The following GAS6 variants were observed in gnomAD, a reference collection of about 807,000 sequenced individuals.
GAS6 encodes growth arrest specific 6, also known as growth arrest-specific protein 6.
Under a neutral mutation model 75.8 loss-of-function variants are expected in GAS6, and 41 were observed. That is an observed-to-expected ratio of 0.54 (90% CI 0.42 to 0.70). The LOEUF is 0.70. GAS6 is among the 30% of genes least tolerant of loss of function. The pLI is 0.00. For missense variants in GAS6, 854 were observed against 940.2 expected, an observed-to-expected ratio of 0.91 and a Z score of 1.20; for synonymous variants, 432 against 412.6, an observed-to-expected ratio of 1.05 and a Z score of -0.57.
intron 8 of GAS6, 62 bp downstream of exon 8, chr13:113,834,489 C>CT: frequency 7.1e-7 from 1 of 1,417,928 alleles, no homozygotes; most frequent in Non-Finnish European, 9.3e-7. Context: ...CTCCCGAAAG[C>CT]CCCCACCGGC....
intron 10 of GAS6, 45 bp downstream of exon 10, chr13:113,832,254 G>T: frequency 6.3e-7 from 1 of 1,576,348 alleles, no homozygotes; most frequent in East Asian, 2.3e-5. Context: ...TCTGGCTCAG[G>T]GAGAACCCCG....
chr13:113,834,141 G>A (rs1268926399), intron 8 of GAS6, among the ~76,000 whole-genome samples: 13 of 139,236 alleles, frequency 9.3e-5, no homozygotes, highest in Middle Eastern at 4.6e-3. Context: ...GGTGTGACAG[G>A]CACCAGTGTG....
At position 113,834,559 on chromosome 13, in the gene GAS6, T is replaced by C; in HGVS notation, c.826A>G (p.Thr276Ala). The change falls in exon 8 of 15, where the codon ACC becomes GCC. Residue 276 changes from threonine (T) to alanine (A), a missense_variant. Physicochemically the swap from Thr to Ala is moderately conservative, Grantham distance 58. Transcript: ENST00000327773. ...GGCCAGGGGCCGCCTACCTCACAGG[T>C]GTCCATGTCCTGGGACAGCTTGAGG... Reference protein sequence around the residue: ...GGLKLSQDMDTCEDILPCVPF... With the variant: ...GGLKLSQDMDACEDILPCVPF... The C allele has an allele frequency of 6.3e-7, 1 of 1,587,138 alleles. No homozygotes were observed. Among genetic ancestry groups the C allele is most frequent in the Non-Finnish European group, 8.6e-7 (1 of 1,168,864 alleles).
At chr13:113,829,229 A>C (rs371276758) in intron 10 of GAS6, among the ~76,000 whole-genome samples, 1 of 54,918 alleles carries the variant, frequency 1.8e-5, no homozygotes. Context: ...AGAGGGTCTC[A>C]ATCTCAGGCA....
At chr13:113,832,878 C>G in intron 8 of GAS6, 126 bp from the exon 9 acceptor site, 1 of 1,559,778 alleles carries the variant, frequency 6.4e-7, no homozygotes. Context: ...CACCCCGCCT[C>G]TAGCTGCTGA....
chr13:113,862,998 G>C (rs1488898825), intron 2 of GAS6, among the ~76,000 whole-genome samples: 1 of 152,094 alleles, frequency 6.6e-6, no homozygotes, highest in African/African-American at 2.4e-5. Flanking sequence ...CCGAGGTGCC[G>C]GGGCCAGCAC....
intron 10 of GAS6, among the ~76,000 whole-genome samples, chr13:113,829,779 A>G (rs1405387107): frequency 4.1e-5 from 6 of 145,176 alleles, no homozygotes; most frequent in African/African-American, 1.5e-4. Context: ...AGAGGGTCCC[A>G]ATCTCAGGGA....
At chr13:113,851,833 T>G (rs999295467) in intron 2 of GAS6, among the ~76,000 whole-genome samples, 1 of 152,240 alleles carries the variant, frequency 6.6e-6, no homozygotes, top group Non-Finnish European at 1.5e-5. Context: ...TATGGAAGTG[T>G]TTGTGCTGTA....
chr13:113,839,829 G>T lies in GAS6; in HGVS notation c.365C>A (p.Pro122His). Residue 122 changes from proline (P) to histidine (H), a missense_variant, in exon 5 of 15, where the codon CCC becomes CAC. Transcript: ENST00000327773. Reference protein sequence around the residue: ...CVQNLPDQCTPNPCDRKGTQA... With the variant: ...CVQNLPDQCTHNPCDRKGTQA... ...GGTCCCCTTCCTATCGCAGGGGTTG[G>T]GCGTGCACTGGTCAGGCAGGTCTGA... The T allele has an allele frequency of 6.2e-7, 1 of 1,613,918 alleles. No homozygotes were observed. Among genetic ancestry groups the T allele is most frequent in the Non-Finnish European group, 8.5e-7 (1 of 1,179,970 alleles).
At position 113,822,204 on chromosome 13, in the gene GAS6, GT is replaced by G; in HGVS notation, c.1654-19del. On this transcript the variant is annotated intron_variant, in intron 13 of 14. Transcript: ENST00000327773. ...ACCACCAGCTGCAGGAGACCGAGGT[GT>G]GGTCAGGGCCTGCCGGCCACCCCTA... is the stretch of plus-strand genomic sequence containing the variant. The G allele has an allele frequency of 4.0e-6, 6 of 1,511,808 alleles. No homozygotes were observed. Among genetic ancestry groups the G allele is most frequent in the Non-Finnish European group, 5.4e-6 (6 of 1,120,618 alleles). The allele number at this position is 1,511,808 out of a possible 1,614,324, so 93.6% of individuals were successfully genotyped here.
In GAS6 at chr13:113,859,860, C is replaced by T. The variant is rs1334907982; in HGVS notation, c.255+3715G>A. Reference sequence around the variant, plus strand: ...CACCAGGCGCCCCCACATTGTACAGCCCTCCCCTCCAACAGGGACCTCCCT... The same window carrying T: ...CACCAGGCGCCCCCACATTGTACAGTCCTCCCCTCCAACAGGGACCTCCCT... On this transcript the variant is annotated intron_variant, in intron 2 of 14. Coordinates refer to ENST00000327773, the MANE Select transcript of GAS6 (RefSeq NM_000820.4). Among the ~76,000 whole-genome samples, 3 of 152,138 alleles carry T rather than the reference C, an allele frequency of 2.0e-5. No homozygotes were observed. The East Asian group carries it at 5.8e-4, about 29-fold the overall frequency.
At chr13:113,847,948 G>A (rs1441241316) in intron 3 of GAS6, 78 bp downstream of exon 3, 2 of 1,297,958 alleles carry the variant, frequency 1.5e-6, no homozygotes, top group African/African-American at 2.9e-5. Context: ...ACGTGGTGAG[G>A]AGATTCCTCC....
intron 2 of GAS6, among the ~76,000 whole-genome samples, chr13:113,858,679 ATG>A (rs1446264824): frequency 4.3e-5 from 6 of 138,858 alleles, no homozygotes; most frequent in African/African-American, 1.7e-4. Context: ...GTGCCTATGT[ATG>A]CATGTCTGTG....
chr13:113,823,529 C>T lies in GAS6; in HGVS notation c.1499G>A (p.Gly500Glu), dbSNP rs778664550. ...LDYMRTPLDVGTESTWEVEVV... is the reference protein window; with the variant it reads ...LDYMRTPLDVETESTWEVEVV... Reference sequence around the variant, plus strand: ...TTCTACTTCCCAGGTTGATTCAGTCCCGACGTCCAGAGGGGTCCGCACTGC... The same window carrying T: ...TTCTACTTCCCAGGTTGATTCAGTCTCGACGTCCAGAGGGGTCCGCACTGC... The change falls in exon 13 of 15, where the codon GGG (glycine) becomes GAG (glutamate). Residue 500 changes from glycine to glutamate, a missense_variant. Gly to Glu is a moderately conservative substitution (Grantham distance 98). Transcript: ENST00000327773. The T allele has an allele frequency of 6.2e-7, 1 of 1,612,140 alleles. No homozygotes were observed. Among genetic ancestry groups the T allele is most frequent in the African/African-American group, 1.3e-5 (1 of 74,928 alleles).
chr13:113,839,005 A>C (rs968602968), intron 5 of GAS6: 7 of 168,508 alleles, frequency 4.2e-5, no homozygotes, highest in African/African-American at 1.7e-4. Context: ...GGGGATCCCC[A>C]GCTGCGGTCT....
intron 13 of GAS6, 156 bp downstream of exon 13, chr13:113,823,218 TG>T: frequency 1.3e-6 from 1 of 773,426 alleles, no homozygotes; most frequent in Non-Finnish European, 2.0e-6. Context: ...GCCCGAAGCG[TG>T]GCCCACGCCG....
At chr13:113,834,260 G>C (rs1349664406) in intron 8 of GAS6, among the ~76,000 whole-genome samples, 1 of 152,002 alleles carries the variant, frequency 6.6e-6, no homozygotes, top group African/African-American at 2.4e-5. Flanking sequence ...CGGTCACGTT[G>C]GCTCCCTGGC....
Position 113,837,282 on chromosome 13 carries a change from G to T in GAS6, c.589+787C>A, listed in dbSNP as rs1355965469. Among the ~76,000 whole-genome samples, 1 of 152,090 alleles carries T rather than the reference G, an allele frequency of 6.6e-6. No homozygotes were observed. The highest frequency in any genetic ancestry group is 1.5e-5 in the Non-Finnish European group (1 of 67,996). ...CTGCCTTTTGAAATCGGGGGATGGG[G>T]TGTGGCCCCTCCTGTCTGGTCAGAT... On this transcript the variant is annotated intron_variant, in intron 6 of 14. Transcript: ENST00000327773. The surrounding 1 kb of genome is among the most constrained non-coding windows in gnomAD (Gnocchi z 5.1).
Position 113,844,251 on chromosome 13 carries a change from C to T in GAS6, c.343+2276G>A, listed in dbSNP as rs951142472. 6.6e-5 allele frequency: 10 copies of T among 150,982 alleles called. 1 individual carries two copies. The highest frequency in any genetic ancestry group is 1.9e-4 in the East Asian group (1 of 5,190). 9.4% of individuals were successfully genotyped at this position (150,982 alleles called of 1,614,324 possible). A position where few individuals can be genotyped will look rare whatever the true frequency, so the allele number is the denominator to read the frequency against. On this transcript the variant is annotated intron_variant, in intron 4 of 14. Transcript: ENST00000327773. The surrounding 1 kb of genome is among the most constrained non-coding windows in gnomAD (Gnocchi z 5.7). ...CAGGGAACAAACTCAAGGATCTTGA[C>T]CTTGCCCTCCTCTCCCCAGCTGGCC... is the stretch of plus-strand genomic sequence containing the variant.
Sources: gnomAD v4.1 joint callset for allele counts (sites outside exome capture counted in the v4.1 genomes callset) on GRCh38, gnomAD v4.1.1 for gene constraint, Gnocchi (gnomAD v3.1) non-coding constraint, MANE v1.5 for transcripts, NCBI Gene and HGNC (gene_info 2026-07-23, HGNC 2026-07-21) for gene names.